The following ATF7IP2 variants were observed in gnomAD, a reference collection of about 807,000 sequenced individuals.
ATF7IP2 encodes the protein activating transcription factor 7 interacting protein 2, also known as activating transcription factor 7-interacting protein 2.
In ATF7IP2, 42 loss-of-function variants were observed where a neutral mutation model predicts 64.2. The ratio of observed to expected loss-of-function variants is 0.65; its 90% confidence interval spans 0.51 to 0.85. The LOEUF (loss-of-function observed/expected upper bound fraction) is 0.85. Among genes scored for constraint, ATF7IP2 ranks in the 40% least tolerant of loss-of-function variants. The pLI, the probability that ATF7IP2 is intolerant of heterozygous loss-of-function variation, is 0.00. For missense variants in ATF7IP2, 933 were observed against 784.2 expected (o/e 1.19, Z -2.27); for synonymous variants, 308 against 272.8 (o/e 1.13, Z -1.27).
rs1327056255 is a variant in ATF7IP2 at position 10,439,553 on chromosome 16, T to A, written c.1096-811T>A. On this transcript the variant is annotated intron_variant, in intron 7 of 13. Coordinates refer to ENST00000562102, the MANE Select transcript of ATF7IP2 (RefSeq NM_001393719.1). ...CCAGCCTTTTTTTTTTTTTTTTTTT[T>A]AAACAGTCTCACTCTGTCGCCTAGG... Among the ~76,000 whole-genome samples, 3 of 127,928 alleles carry A rather than the reference T, an allele frequency of 2.3e-5. No homozygotes were observed. The Admixed American group carries it at 2.4e-4, about 10-fold the overall frequency. The allele number at this position is 127,928 out of a possible 152,430, so 83.9% of individuals were successfully genotyped here.
At chr16:10,424,494 T>C (rs568698928) in intron 3 of ATF7IP2, among the ~76,000 whole-genome samples, 2 of 152,346 alleles carry the variant, frequency 1.3e-5, no homozygotes, top group African/African-American at 2.4e-5. Context: ...CTTTAGAAAT[T>C]ATGCTTTATG....
intron 2 of ATF7IP2, among the ~76,000 whole-genome samples, chr16:10,415,238 C>T (rs553778221): frequency 6.6e-6 from 1 of 152,234 alleles, no homozygotes; most frequent in Non-Finnish European, 1.5e-5. Flanking sequence ...TACTGCAGAG[C>T]TATAGTAACT....
chr16:10,406,188 C>T (rs1213227775), intron 1 of ATF7IP2, among the ~76,000 whole-genome samples: 2 of 152,212 alleles, frequency 1.3e-5, no homozygotes, highest in Admixed American at 1.3e-4. Context: ...TCACCACAGC[C>T]TCGACCTCCA....
chr16:10,387,925 C>T (rs1258026813), intron 1 of ATF7IP2, among the ~76,000 whole-genome samples: 1 of 145,430 alleles, frequency 6.9e-6, no homozygotes, highest in African/African-American at 2.5e-5. Flanking sequence ...CTTTGTGAGG[C>T]AGAGATTCGC....
At chr16:10,432,599 T>C (rs1486584362) in intron 5 of ATF7IP2, among the ~76,000 whole-genome samples, 3 of 152,104 alleles carry the variant, frequency 2.0e-5, no homozygotes, top group Non-Finnish European at 2.9e-5. Flanking sequence ...CCGGGCGCTG[T>C]GCCTAACGAA....
chr16:10,428,765 G>A (rs964509103), intron 3 of ATF7IP2, 103 bp from the exon 4 acceptor site: 7 of 152,048 alleles, frequency 4.6e-5, no homozygotes, highest in African/African-American at 1.7e-4. Context: ...GTAGGATTTC[G>A]TTCTCATCAA....
At chr16:10,423,497 C>G (rs530703999) in intron 3 of ATF7IP2, among the ~76,000 whole-genome samples, 4 of 152,184 alleles carry the variant, frequency 2.6e-5, no homozygotes, top group Non-Finnish European at 5.9e-5. Context: ...ATCACCCTCT[C>G]GTCTAGCTTG....
intron 1 of ATF7IP2, among the ~76,000 whole-genome samples, chr16:10,413,591 T>C (rs910117712): frequency 1.3e-5 from 2 of 152,074 alleles, no homozygotes; most frequent in African/African-American, 4.8e-5. Flanking sequence ...CCTTGGTTTT[T>C]TGTTTGTTTG....
At chr16:10,470,835 A>ATG (rs935505252) in intron 9 of ATF7IP2, among the ~76,000 whole-genome samples, 5 of 138,306 alleles carry the variant, frequency 3.6e-5, no homozygotes, top group East Asian at 2.1e-4. Flanking sequence ...ATATATATAT[A>ATG]TATGTGTGTG....
At chr16:10,414,790 G>C (rs376522728) in intron 2 of ATF7IP2, among the ~76,000 whole-genome samples, 178 bp downstream of exon 2, 1 of 151,994 alleles carries the variant, frequency 6.6e-6, no homozygotes, top group East Asian at 1.9e-4. Context: ...CTGTTGTTCA[G>C]ATTCTTTTGT....
At chr16:10,403,695 C>A (rs765580720) in intron 1 of ATF7IP2, among the ~76,000 whole-genome samples, 1 of 151,918 alleles carries the variant, frequency 6.6e-6, no homozygotes, top group African/African-American at 2.4e-5. Flanking sequence ...ATCTGAAAAC[C>A]CATACAAAGA....
At chr16:10,406,017 A>G (rs1447681429) in intron 1 of ATF7IP2, among the ~76,000 whole-genome samples, 2 of 151,892 alleles carry the variant, frequency 1.3e-5, no homozygotes, top group African/African-American at 2.4e-5. Context: ...TGAACCCAGG[A>G]GGTGGAGGTT....
chr16:10,470,823 G>GTGTA (rs1448477600), intron 9 of ATF7IP2, among the ~76,000 whole-genome samples: 3,263 of 143,866 alleles, frequency 0.023, 110 homozygotes, highest in African/African-American at 0.082. Flanking sequence ...ATGTGTGTGT[G>GTGTA]TATATATATA....
intron 5 of ATF7IP2, 116 bp from the exon 6 acceptor site, chr16:10,433,409 A>T: frequency 1.1e-6 from 1 of 926,768 alleles, no homozygotes; most frequent in Non-Finnish European, 1.6e-6. Context: ...TCCTGGCCTT[A>T]AGCCACCCTC....
chr16:10,481,864 C>T lies in ATF7IP2; in HGVS notation c.1664C>T (p.Pro555Leu), dbSNP rs2050243506. 2.0e-5 allele frequency: 32 copies of T among 1,599,704 alleles called. No individual in the cohort carries two copies. The highest frequency in any genetic ancestry group is 2.6e-5 in the Non-Finnish European group (31 of 1,175,528). Residue 555 changes from proline (P) to leucine (L), a missense_variant, in exon 14 of 14, where the codon CCT (proline) becomes CTT (leucine). Physicochemically the swap from Pro to Leu is moderately conservative, Grantham distance 98. Transcript: ENST00000562102. ...QVPESFEHLP[P>L]LPEPPAPLPE... ...CCTGAGTCCTTTGAGCACCTGCCACCTCTCCCAGAACCACCAGCACCACTA... is the reference window on the plus strand; with the variant it reads ...CCTGAGTCCTTTGAGCACCTGCCACTTCTCCCAGAACCACCAGCACCACTA...
intron 13 of ATF7IP2, 84 bp downstream of exon 13, chr16:10,481,048 G>A (rs960076095): frequency 2.7e-5 from 27 of 1,010,438 alleles, no homozygotes; most frequent in Non-Finnish European, 3.4e-5. Context: ...AAACATTTGG[G>A]TCACATTTCA....
chr16:10,477,278 G>T (rs1443677793), intron 12 of ATF7IP2, among the ~76,000 whole-genome samples: 1 of 152,194 alleles, frequency 6.6e-6, no homozygotes. Flanking sequence ...GTGGGCAAAA[G>T]ATTACATTTA....
intron 10 of ATF7IP2, 143 bp from the exon 11 acceptor site, chr16:10,473,336 A>G (rs1390063252): frequency 3.7e-6 from 2 of 544,030 alleles, no homozygotes; most frequent in East Asian, 6.5e-5. Flanking sequence ...AGTCTTTGGA[A>G]TAGGTAAAGT....
chr16:10,436,861 T>C (rs1158037781), intron 6 of ATF7IP2, among the ~76,000 whole-genome samples: 1 of 152,132 alleles, frequency 6.6e-6, no homozygotes, highest in Non-Finnish European at 1.5e-5. Flanking sequence ...TCAGTGGGCA[T>C]TGAAATTAAT....
Sources: gnomAD v4.1 joint callset for allele counts (sites outside exome capture counted in the v4.1 genomes callset) on GRCh38, gnomAD v4.1.1 for gene constraint, MANE v1.5 for transcripts, NCBI Gene and HGNC (gene_info 2026-07-23, HGNC 2026-07-21) for gene names.